The following CFAP299 variants were observed in gnomAD, a reference collection of about 807,000 sequenced individuals.
The protein encoded by CFAP299 is cilia- and flagella-associated protein 299.
Under a neutral mutation model 27.0 loss-of-function variants are expected in CFAP299, and 21 were observed. The observed-to-expected ratio is 0.78, with a 90% CI of 0.55 to 1.12. CFAP299 has a LOEUF of 1.12. Among genes scored for constraint, CFAP299 ranks in the 50% most tolerant of loss-of-function variants. CFAP299 has a pLI of 0.00. For missense variants in CFAP299, 310 were observed against 276.6 expected, an observed-to-expected ratio of 1.12 and a Z score of -0.86; for synonymous variants, 104 against 98.1, an observed-to-expected ratio of 1.06 and a Z score of -0.36.
intron 3 of CFAP299, among the ~76,000 whole-genome samples, chr4:80,837,699 G>T (rs1399328354): frequency 6.6e-6 from 1 of 152,076 alleles, no homozygotes; most frequent in East Asian, 1.9e-4. Flanking sequence ...TGCACATTTG[G>T]GTTGGTTCCA....
chr4:80,634,004 T>A (rs1389096282), intron 3 of CFAP299, among the ~76,000 whole-genome samples: 2 of 150,206 alleles, frequency 1.3e-5, no homozygotes, highest in African/African-American at 4.9e-5. Context: ...TTTTTTTTTT[T>A]TACGAAATCT....
At chr4:80,644,930 T>C (rs1205114930) in intron 3 of CFAP299, among the ~76,000 whole-genome samples, 2 of 152,168 alleles carry the variant, frequency 1.3e-5, no homozygotes, top group Admixed American at 6.6e-5. Flanking sequence ...CTCTTACTTA[T>C]CTTTCAGCAG....
At chr4:80,962,852 T>C (rs917114959) in intron 5 of CFAP299, among the ~76,000 whole-genome samples, 17 of 152,018 alleles carry the variant, frequency 1.1e-4, no homozygotes, top group Admixed American at 3.3e-4. Context: ...TCATTTTTTT[T>C]CTCCTCTGAG....
At chr4:80,329,947 C>G in the CFAP299 span, among the ~76,000 whole-genome samples, 1 of 152,098 alleles carries the variant, frequency 6.6e-6, no homozygotes, top group Non-Finnish European at 1.5e-5. Flanking sequence ...TTATTTTCTT[C>G]TAAGGTTTTA....
intron 2 of CFAP299, among the ~76,000 whole-genome samples, chr4:80,545,950 A>T (rs1242704509): frequency 6.6e-6 from 1 of 152,234 alleles, no homozygotes; most frequent in Non-Finnish European, 1.5e-5. Flanking sequence ...GGTTCAGCAT[A>T]CACAAATCAA....
intron 3 of CFAP299, chr4:80,648,850 A>G (rs1740155208): frequency 6.6e-6 from 1 of 152,150 alleles, no homozygotes; most frequent in Non-Finnish European, 1.5e-5. Flanking sequence ...AAAAGTTTTC[A>G]TCTGAAATGT....
chr4:80,369,790 T>G (rs945062948), intron 2 of CFAP299, among the ~76,000 whole-genome samples: 1 of 152,194 alleles, frequency 6.6e-6, no homozygotes, highest in Non-Finnish European at 1.5e-5. Context: ...ACATCGGTTT[T>G]TAATAGTATT....
chr4:80,402,686 T>G (rs1726222322), intron 2 of CFAP299, among the ~76,000 whole-genome samples: 1 of 152,212 alleles, frequency 6.6e-6, no homozygotes, highest in African/African-American at 2.4e-5. Context: ...AGAAGTAGGA[T>G]GAAGACTCTA....
At chr4:80,879,318 C>T (rs969841308) in intron 4 of CFAP299, among the ~76,000 whole-genome samples, 2 of 152,096 alleles carry the variant, frequency 1.3e-5, no homozygotes, top group African/African-American at 4.8e-5. Flanking sequence ...TGCTTAAGTA[C>T]AAACCCCACA....
intron 3 of CFAP299, among the ~76,000 whole-genome samples, chr4:80,752,404 A>ATT (rs1228048893): frequency 2.1e-5 from 3 of 144,254 alleles, no homozygotes; most frequent in African/African-American, 7.9e-5. Context: ...ATATATATTT[A>ATT]TATATATATA....
intron 1 of CFAP299, among the ~76,000 whole-genome samples, chr4:80,348,125 A>T (rs969490601): frequency 6.6e-6 from 1 of 152,170 alleles, no homozygotes; most frequent in Non-Finnish European, 1.5e-5. Flanking sequence ...TCCCCTCTGT[A>T]CACCATATAC....
intron 2 of CFAP299, chr4:80,387,077 GGCGGTCTGC>G (rs1725051498): frequency 1.4e-6 from 2 of 1,439,536 alleles, no homozygotes; most frequent in African/African-American, 2.8e-5. Context: ...AGTTGTGAGT[GGCGGTCTGC>G]AGGTGATGCT....
intron 3 of CFAP299, among the ~76,000 whole-genome samples, chr4:80,745,279 C>G (rs898936633): frequency 2.0e-5 from 3 of 152,004 alleles, no homozygotes; most frequent in African/African-American, 7.2e-5. Flanking sequence ...TTCTGAAAAG[C>G]TATGTCTTGA....
intron 3 of CFAP299, among the ~76,000 whole-genome samples, chr4:80,767,915 T>C (rs71596034): frequency 0.12 from 18,467 of 152,232 alleles, 1,487 homozygotes; most frequent in African/African-American, 0.22. Flanking sequence ...TCACTAGTTA[T>C]ATCCATTTAA....
chr4:80,912,060 CA>C (rs1320209985), intron 4 of CFAP299, among the ~76,000 whole-genome samples: 1 of 152,072 alleles, frequency 6.6e-6, no homozygotes, highest in Non-Finnish European at 1.5e-5. Flanking sequence ...AAATATTAAG[CA>C]TTTGATCCTC....
chr4:80,570,726 A>C (rs191619201), intron 2 of CFAP299, among the ~76,000 whole-genome samples: 5 of 152,264 alleles, frequency 3.3e-5, no homozygotes, highest in African/African-American at 1.2e-4. Flanking sequence ...GCTATTACAT[A>C]GCTCTTGTAT....
chr4:80,387,505 A>C, intron 2 of CFAP299: 1 of 817,786 alleles, frequency 1.2e-6, no homozygotes, highest in African/African-American at 1.7e-5. Context: ...CCAGGCCTGG[A>C]GCTGTGGCGA....
rs73831203 is a variant in CFAP299 at position 80,926,614 on chromosome 4, T to G, written c.477-18196T>G. 7.7e-3 allele frequency among the ~76,000 whole-genome samples: 1,174 copies of G among 152,086 alleles called. 3 individuals carry two copies. The highest frequency in any genetic ancestry group is 0.014 in the Middle Eastern group (4 of 294). ...GATAATCCACATTTCTAGCTTGGATTCCTGGGGAAGATGGCAGTGTTACTT... is the reference window on the plus strand; with the variant it reads ...GATAATCCACATTTCTAGCTTGGATGCCTGGGGAAGATGGCAGTGTTACTT... On this transcript the variant is annotated intron_variant, in intron 4 of 5. Coordinates refer to ENST00000358105, the MANE Select transcript of CFAP299 (RefSeq NM_152770.3).
intron 2 of CFAP299, among the ~76,000 whole-genome samples, chr4:80,434,720 G>A (rs1227827479): frequency 6.6e-6 from 1 of 152,092 alleles, no homozygotes; most frequent in Non-Finnish European, 1.5e-5. Context: ...CCACAATTTG[G>A]GTGCATAAAG....
Sources: allele counts gnomAD v4.1 joint callset (sites outside exome capture counted in the v4.1 genomes callset), GRCh38; gene constraint gnomAD v4.1.1; transcripts MANE v1.5; gene names NCBI Gene and HGNC (gene_info 2026-07-23, HGNC 2026-07-21).